Variants in NAV3 observed in about 807,000 individuals in gnomAD.
NAV3 encodes pore membrane and/or filament interacting like protein 1.
In NAV3, 87 loss-of-function variants were observed where a neutral mutation model predicts 244.7. The ratio of observed to expected loss-of-function variants is 0.36; its 90% CI spans 0.30 to 0.42. NAV3 has a LOEUF of 0.42. Among genes scored for constraint, NAV3 ranks in the 20% least tolerant of loss-of-function variants. The pLI, the probability that NAV3 is intolerant of heterozygous loss-of-function variation, is 1.00. For synonymous variants in NAV3, 1,126 were observed against 1,042.2 expected (o/e 1.08, Z -1.55); for missense variants, 2,663 against 2,893.3 (o/e 0.92, Z 1.83).
rs1325711734 is a variant in NAV3 at position 77,691,918 on chromosome 12, G to C, written c.72+119652G>C. The stretch of plus-strand genomic sequence containing the variant: ...CCACATCACTTTCCTATGTTATATA[G>C]GAATTATATAGATATTCCTCTTTAT... On this transcript the variant is annotated intron_variant, in intron 2 of 8. Transcript: ENST00000550042. 3.3e-5 allele frequency among the ~76,000 whole-genome samples: 5 copies of C among 151,816 alleles called. No homozygotes were observed. The East Asian group carries it at 9.7e-4, about 29-fold the overall frequency.
Position 77,977,718 on chromosome 12 carries a change from A to G in NAV3, c.671+9016A>G, listed in dbSNP as rs766095028. On this transcript the variant is annotated intron_variant, in intron 5 of 39. Coordinates refer to ENST00000397909, the MANE Select transcript of NAV3 (RefSeq NM_001024383.2). Reference sequence around the variant, plus strand: ...CACACACACACACACACGCGCACACACACACACACACACACACACACACTC... The same window carrying G: ...CACACACACACACACACGCGCACACGCACACACACACACACACACACACTC... Among the ~76,000 whole-genome samples, 1,232 of 144,224 alleles carry G rather than the reference A, an allele frequency of 8.5e-3. 9 individuals are homozygous for G. Among genetic ancestry groups the G allele is most frequent in the Middle Eastern group, 0.014 (4 of 284 alleles). 94.6% of individuals were successfully genotyped at this position (144,224 alleles called of 152,430 possible).
chr12:77,710,630 A>G (rs2137248532), intron 2 of NAV3, among the ~76,000 whole-genome samples: 1 of 152,330 alleles, frequency 6.6e-6, no homozygotes, highest in Non-Finnish European at 1.5e-5. Flanking sequence ...TTTAATTAGC[A>G]TATCAATAAA....
intron 12 of NAV3, among the ~76,000 whole-genome samples, chr12:78,087,753 C>T (rs540883736): frequency 6.6e-6 from 1 of 151,864 alleles, no homozygotes; most frequent in South Asian, 2.1e-4. Flanking sequence ...AATAACATGG[C>T]CAGCTAATTA....
At position 77,772,704 on chromosome 12, in the gene NAV3, C is replaced by T. The variant is rs917361773; in HGVS notation, c.73-167615C>T. Among the ~76,000 whole-genome samples the T allele has an allele frequency of 5.9e-5, 9 of 152,202 alleles. No individual in the cohort carries two copies. In the East Asian group the frequency reaches 9.6e-4, roughly 16 times the overall value. On this transcript the variant is annotated intron_variant, in intron 2 of 8. Coordinates refer to the NAV3 transcript ENST00000550042. ...TTCTGTGGGTAAACTCATGGTCACA[C>T]GAGAACCTGTTTTAAAAAGAAATTC...
At chr12:77,885,560 A>T (rs930170429) in intron 1 of NAV3, among the ~76,000 whole-genome samples, 13 of 152,268 alleles carry the variant, frequency 8.5e-5, no homozygotes, top group African/African-American at 3.1e-4. Context: ...TCTGCCCTAA[A>T]GGAGTATTTT....
chr12:77,931,658 A>T (rs1433303687), intron 1 of NAV3, among the ~76,000 whole-genome samples: 1 of 152,074 alleles, frequency 6.6e-6, no homozygotes, highest in Non-Finnish European at 1.5e-5. Flanking sequence ...CAAGGTCAGG[A>T]GATCGAGACC....
intron 2 of NAV3, among the ~76,000 whole-genome samples, chr12:77,650,036 A>G (rs1292995353): frequency 1.3e-5 from 2 of 152,022 alleles, no homozygotes; most frequent in Non-Finnish European, 2.9e-5. Context: ...TTTTTGTCTT[A>G]AGTTTGCCTT....
chr12:77,747,755 C>T (rs1446502280), intron 2 of NAV3, among the ~76,000 whole-genome samples: 1 of 152,068 alleles, frequency 6.6e-6, no homozygotes, highest in Non-Finnish European at 1.5e-5. Flanking sequence ...AAGCTGGAAA[C>T]CATCATTCTC....
intron 11 of NAV3, among the ~76,000 whole-genome samples, chr12:78,053,240 A>G (rs557423019): frequency 6.6e-6 from 1 of 150,442 alleles, no homozygotes; most frequent in Non-Finnish European, 1.5e-5. Context: ...TATAATATAT[A>G]TATGTATGTA....
chr12:77,839,033 C>T (rs1310368739), intron 1 of NAV3, among the ~76,000 whole-genome samples: 1 of 152,122 alleles, frequency 6.6e-6, no homozygotes, highest in African/African-American at 2.4e-5. Context: ...CAAGATGTTT[C>T]AGCCTTGGCA....
rs114608560 is a variant in NAV3, at chr12:78,159,892, G to A, written c.4869+606G>A. ...CAGTCACATAAGAGAATATTCTGGGGGCAAACTGTTATGCAGTTGACAAGA... is the reference window on the plus strand; with the variant it reads ...CAGTCACATAAGAGAATATTCTGGGAGCAAACTGTTATGCAGTTGACAAGA... On this transcript the variant is annotated intron_variant, in intron 23 of 39. Transcript: ENST00000397909. 2.4e-3 allele frequency among the ~76,000 whole-genome samples: 369 copies of A among 152,106 alleles called. 1 individual carries two copies. The highest frequency in any genetic ancestry group is 8.5e-3 in the African/African-American group (351 of 41,496).
Position 78,127,353 on chromosome 12 carries a change from C to G in NAV3, c.4280+145C>G, listed in dbSNP as rs373358218. 6.5e-6 allele frequency: 5 copies of G among 763,958 alleles called. No individual in the cohort carries two copies. The African/African-American group carries it at 7.0e-5, about 11-fold the overall frequency. 47.3% of individuals were successfully genotyped at this position (763,958 alleles called of 1,614,324 possible). A position where few individuals can be genotyped will look rare whatever the true frequency, so the allele number is the denominator to read the frequency against. On this transcript the variant is annotated intron_variant, in intron 17 of 39. Coordinates refer to ENST00000397909, the MANE Select transcript of NAV3 (RefSeq NM_001024383.2). ...TTTAATTTTGATGGTTTCTCTGGCC[C>G]GAACAGTTGGTGAGATAGCCCCTTA...
At chr12:77,586,118 C>T (rs1005740037) in intron 2 of NAV3, among the ~76,000 whole-genome samples, 6 of 151,770 alleles carry the variant, frequency 4.0e-5, no homozygotes, top group African/African-American at 7.3e-5. Context: ...GCCGAGATCG[C>T]GCCACTGCAC....
chr12:78,106,220 T>C (rs897369964), intron 12 of NAV3, among the ~76,000 whole-genome samples: 1 of 152,124 alleles, frequency 6.6e-6, no homozygotes, highest in African/African-American at 2.4e-5. Context: ...TTAGTGAATT[T>C]AGCAAGATCA....
intron 1 of NAV3, among the ~76,000 whole-genome samples, chr12:77,840,566 T>G (rs1421916339): frequency 6.6e-6 from 1 of 152,228 alleles, no homozygotes; most frequent in East Asian, 1.9e-4. Context: ...CCAAAAATTC[T>G]ATATCTTGGA....
rs754808430 is a variant in NAV3 at position 77,998,398 on chromosome 12, A to G, written c.802A>G (p.Asn268Asp). ...CAGCAGCAAGGTCCAGGGAGCCTCT[A>G]ATTTAAATAGGAGAAGTCAGAGCTT... is the stretch of plus-strand genomic sequence containing the variant. Reference protein sequence around the residue: ...GSSSKVQGASNLNRRSQSFNS... With the variant: ...GSSSKVQGASDLNRRSQSFNS... The change falls in exon 7 of 40, where the codon AAT becomes GAT. Residue 268 changes from asparagine to aspartate, a missense_variant. By Grantham distance (23) the Asn-to-Asp change is conservative. Transcript: ENST00000397909. 15 of 1,611,996 alleles carry G rather than the reference A, an allele frequency of 9.3e-6. No individual in the cohort carries two copies. The Admixed American group carries it at 2.2e-4, about 23-fold the overall frequency.
At chr12:78,046,179 C>T (rs12322939) in intron 9 of NAV3, among the ~76,000 whole-genome samples, 5,069 of 152,158 alleles carry the variant, frequency 0.033, 294 homozygotes, top group African/African-American at 0.11. Context: ...TTTTCAAAAA[C>T]CAGCTATGGA....
At chr12:78,166,299 T>G (rs565288495) in intron 23 of NAV3, among the ~76,000 whole-genome samples, 2 of 151,752 alleles carry the variant, frequency 1.3e-5, no homozygotes, top group Non-Finnish European at 3.0e-5. Context: ...GTGGCTTGAG[T>G]GACAAGGTGA....
At chr12:77,720,903 A>G (rs1338536775) in intron 2 of NAV3, among the ~76,000 whole-genome samples, 1 of 152,162 alleles carries the variant, frequency 6.6e-6, no homozygotes, top group Non-Finnish European at 1.5e-5. Flanking sequence ...ACTTCTGCCT[A>G]TGATTCTTAA....
Sources: gnomAD v4.1 joint callset for allele counts (sites outside exome capture counted in the v4.1 genomes callset) on GRCh38, gnomAD v4.1.1 for gene constraint, MANE v1.5 for transcripts, NCBI Gene and HGNC (gene_info 2026-07-23, HGNC 2026-07-21) for gene names.